The following RNF10 variants were observed in gnomAD, a reference collection of about 807,000 sequenced individuals.
RNF10 encodes ring finger protein 10.
In RNF10, 38 loss-of-function variants were observed where a neutral mutation model predicts 91.4. That is an observed-to-expected ratio of 0.42 (90% CI 0.32 to 0.54). RNF10 has a LOEUF of 0.54. Among genes scored for constraint, RNF10 ranks in the 20% least tolerant of loss-of-function variants. The probability of loss-of-function intolerance (pLI) is 0.16; values close to 1 mark genes in which losing one functional copy is unlikely to be tolerated. For synonymous variants in RNF10, 364 were observed against 366.3 expected (o/e 0.99, Z 0.07); for missense variants, 945 against 1,012.0 (o/e 0.93, Z 0.90).
At chr12:120,537,640 T>A (rs73403977) in intron 1 of RNF10, among the ~76,000 whole-genome samples, 4,723 of 152,080 alleles carry the variant, frequency 0.031, 238 homozygotes, top group African/African-American at 0.11. Context: ...GGCCCTTTGT[T>A]AGATTTTACA....
chr12:120,537,779 A>C (rs1871045722), intron 1 of RNF10, among the ~76,000 whole-genome samples: 1 of 152,154 alleles, frequency 6.6e-6, no homozygotes, highest in South Asian at 2.1e-4. Context: ...TCGTTTAGCA[A>C]GGAAGGATGG....
chr12:120,537,293 GCAGAGTGAGACCCCGT>G (rs892094159), intron 1 of RNF10, among the ~76,000 whole-genome samples: 3 of 151,836 alleles, frequency 2.0e-5, no homozygotes, highest in African/African-American at 7.3e-5. Flanking sequence ...AGCCTGGGTG[GCAGAGTGAGACCCCGT>G]CTCAAAACAA....
At chr12:120,569,936 G>A (rs895716343) in intron 13 of RNF10, among the ~76,000 whole-genome samples, 68 of 151,588 alleles carry the variant, frequency 4.5e-4, no homozygotes, top group Admixed American at 4.1e-3. Flanking sequence ...TCTGTCGCCC[G>A]GGCTGGAGTG....
intron 1 of RNF10, among the ~76,000 whole-genome samples, chr12:120,542,191 C>T (rs565345848): frequency 6.6e-6 from 1 of 152,084 alleles, no homozygotes; most frequent in Non-Finnish European, 1.5e-5. Context: ...GACAGAGGCT[C>T]ACTCTGTAGC....
intron 6 of RNF10, among the ~76,000 whole-genome samples, chr12:120,559,024 AAATT>A (rs1404585970): frequency 2.0e-5 from 3 of 148,494 alleles, no homozygotes; most frequent in East Asian, 2.0e-4. Flanking sequence ...AAAATAATTA[AAATT>A]AATTTAATTA....
At chr12:120,549,395 CCCTGTTTGT>C (rs1872725963) in intron 2 of RNF10, among the ~76,000 whole-genome samples, 1 of 152,014 alleles carries the variant, frequency 6.6e-6, no homozygotes, top group Non-Finnish European at 1.5e-5. Flanking sequence ...TATTTGTTAG[CCCTGTTTGT>C]CTGCTGCAGG....
intron 13 of RNF10, 81 bp downstream of exon 13, chr12:120,567,061 C>A: frequency 7.2e-7 from 1 of 1,397,838 alleles, no homozygotes. Context: ...CAACCCCGGC[C>A]CACTCAGCAT....
At position 120,534,779 on chromosome 12, in the gene RNF10, C is replaced by T. The variant is rs1870479082; in HGVS notation, c.-33C>T. 1.3e-6 allele frequency: 2 copies of T among 1,539,460 alleles called. No homozygotes were observed. Among genetic ancestry groups the T allele is most frequent in the East Asian group, 2.4e-5 (1 of 41,036 alleles). ...CTGGGTCCCCGCCGCGCCCGCTCCG[C>T]TCCGACTGCCGTCGCCGCCGAGGCC... On this transcript the variant is annotated 5_prime_UTR_variant, in exon 1 of 17. Transcript: ENST00000325954.
rs71076634 is a variant in RNF10 at position 120,562,271 on chromosome 12, C to CTTT, written c.1129-656_1129-654dup. Among the ~76,000 whole-genome samples the CTTT allele has an allele frequency of 1.7e-3, 167 of 100,092 alleles. 4 individuals are homozygous for CTTT. Among genetic ancestry groups the CTTT allele is most frequent in the South Asian group, 8.7e-3 (23 of 2,630 alleles). The allele number at this position is 100,092 out of a possible 152,430, so 65.7% of individuals were successfully genotyped here. On this transcript the variant is annotated intron_variant, in intron 7 of 16. Transcript: ENST00000325954. ...ATTTGGTTTTTCTTTTTCTTTCTTTCTTTTTTTTTTTTTTTTTTTTGAGAC... is the reference window on the plus strand; with the variant it reads ...ATTTGGTTTTTCTTTTTCTTTCTTTCTTTTTTTTTTTTTTTTTTTTTTTGAGAC...
chr12:120,564,620 G>T (rs1875397229), intron 10 of RNF10, among the ~76,000 whole-genome samples: 1 of 152,090 alleles, frequency 6.6e-6, no homozygotes, highest in South Asian at 2.1e-4. Context: ...AAAAAATTGG[G>T]CTTCATTTTC....
chr12:120,561,393 A>G (rs368193921), intron 7 of RNF10, among the ~76,000 whole-genome samples: 1 of 152,320 alleles, frequency 6.6e-6, no homozygotes. Flanking sequence ...TTGAAGCATC[A>G]CAACCACTGG....
intron 14 of RNF10, among the ~76,000 whole-genome samples, chr12:120,572,750 A>C (rs1705654235): frequency 6.6e-6 from 1 of 151,058 alleles, no homozygotes; most frequent in South Asian, 2.1e-4. Context: ...ACAGGCGCCT[A>C]CCACCATGCC....
At chr12:120,562,910 T>C (rs1875103971) in intron 7 of RNF10, 35 bp from the exon 8 acceptor site, 4 of 1,613,102 alleles carry the variant, frequency 2.5e-6, no homozygotes, top group Middle Eastern at 1.6e-4. Flanking sequence ...GTCTGGAAAC[T>C]TAACCTTCTC....
chr12:120,571,238 T>C lies in RNF10; in HGVS notation c.2089T>C (p.Ser697Pro). Residue 697 changes from serine to proline, a missense_variant, in exon 14 of 17, where the codon TCA (serine) becomes CCA (proline). Transcript: ENST00000325954. ...ACCCACTGCCAGTCAGGGCAGTCCC[T>C]CATTCTGCGTTGGGAGTCTGGAAGA... ...LSPTASQGSP[S>P]FCVGSLEEDS... The C allele has an allele frequency of 6.2e-7, 1 of 1,614,128 alleles. No individual in the cohort carries two copies. Among genetic ancestry groups the C allele is most frequent in the Non-Finnish European group, 8.5e-7 (1 of 1,180,008 alleles).
chr12:120,543,382 A>G (rs1871845476), intron 1 of RNF10, among the ~76,000 whole-genome samples: 1 of 152,204 alleles, frequency 6.6e-6, no homozygotes, highest in Non-Finnish European at 1.5e-5. Flanking sequence ...CCCATGGCTC[A>G]TGCTTATAAT....
intron 7 of RNF10, 99 bp downstream of exon 7, chr12:120,560,985 A>G (rs1874762662): frequency 8.2e-7 from 1 of 1,223,788 alleles, no homozygotes; most frequent in South Asian, 1.5e-5. Flanking sequence ...CGGGGGTGAG[A>G]TGATGGACGC....
At chr12:120,565,028 G>A (rs2137236667) in intron 10 of RNF10, 44 bp from the exon 11 acceptor site, 1 of 1,363,750 alleles carries the variant, frequency 7.3e-7, no homozygotes, top group East Asian at 2.3e-5. Flanking sequence ...TGCTTTCAGA[G>A]TTAGGCTTGC....
In RNF10 at chr12:120,566,818, T is replaced by A; in HGVS notation, c.1886-7T>A. On this transcript the variant is annotated splice_polypyrimidine_tract_variant and splice_region_variant and intron_variant, in intron 12 of 16. Coordinates refer to ENST00000325954, the MANE Select transcript of RNF10 (RefSeq NM_014868.5). ...ATGGGTTTACAAGGGTTATCTTTCC[T>A]TTGCAGACCCAGAAGTCCACATTCC... is the stretch of plus-strand genomic sequence containing the variant. The A allele has an allele frequency of 6.2e-7, 1 of 1,610,094 alleles. No individual in the cohort carries two copies.
At chr12:120,538,025 A>G (rs1004906152) in intron 1 of RNF10, among the ~76,000 whole-genome samples, 7 of 152,204 alleles carry the variant, frequency 4.6e-5, no homozygotes, top group African/African-American at 1.7e-4. Context: ...CTCTAACAAA[A>G]GGGTACACTC....
Sources: gnomAD v4.1 joint callset for allele counts (sites outside exome capture counted in the v4.1 genomes callset) on GRCh38, gnomAD v4.1.1 for gene constraint, MANE v1.5 for transcripts, NCBI Gene and HGNC (gene_info 2026-07-23, HGNC 2026-07-21) for gene names.